The following CLNK variants were observed in gnomAD, a reference collection of about 807,000 sequenced individuals.
CLNK encodes cytokine dependent hematopoietic cell linker.
CLNK carries 74 observed loss-of-function variants against 68.6 expected under a neutral mutation model. That is an observed-to-expected ratio of 1.08 (90% CI 0.89 to 1.31). CLNK has a LOEUF of 1.31. Ranked by LOEUF, CLNK falls within the 50% of genes most tolerant of loss-of-function variation. The pLI is 0.00. For synonymous variants in CLNK, 198 were observed against 172.2 expected (o/e 1.15, Z -1.17); for missense variants, 553 against 515.3 (o/e 1.07, Z -0.71).
rs777270350 is a variant in CLNK at position 10,488,071 on chromosome 4, A to T, written c.*2396T>A. 2 of 152,198 alleles carry T rather than the reference A, an allele frequency of 1.3e-5. No homozygotes were observed. Among genetic ancestry groups the T allele is most frequent in the South Asian group, 2.1e-4 (1 of 4,832 alleles). The allele number at this position is 152,198 out of a possible 1,614,324, so 9.4% of individuals were successfully genotyped here. ...CAGAAGTGTTCAAATACACAAAAAT[A>T]TTGTAAGCTTTTTATTGCAAGATGT... On this transcript the variant is annotated 3_prime_UTR_variant, in exon 19 of 19. Transcript: ENST00000226951.
the CLNK span, among the ~76,000 whole-genome samples, chr4:10,718,867 G>A: frequency 6.6e-6 from 1 of 151,998 alleles, no homozygotes; most frequent in Non-Finnish European, 1.5e-5. Context: ...AAATATTCAT[G>A]ATAATTATAT....
At chr4:10,547,557 C>G (rs1443811949) in intron 8 of CLNK, among the ~76,000 whole-genome samples, 2 of 152,166 alleles carry the variant, frequency 1.3e-5, no homozygotes, top group Non-Finnish European at 2.9e-5. Flanking sequence ...GTGTCATCAG[C>G]TGTAGGCACT....
the CLNK span, among the ~76,000 whole-genome samples, chr4:10,727,623 A>G: frequency 6.6e-6 from 1 of 152,184 alleles, no homozygotes. Context: ...CTGGGTATAG[A>G]CCTAGAGAAA....
At chr4:10,571,888 C>T in intron 4 of CLNK, 110 bp from the exon 5 acceptor site, 5 of 797,156 alleles carry the variant, frequency 6.3e-6, no homozygotes, top group East Asian at 2.7e-5. Context: ...TTTTAATTAA[C>T]TTACCTTGAT....
chr4:10,713,196 G>C, the CLNK span, among the ~76,000 whole-genome samples: 1 of 152,194 alleles, frequency 6.6e-6, no homozygotes, highest in East Asian at 1.9e-4. Context: ...TGGTCACAGA[G>C]ATCTGGAATC....
At chr4:10,630,903 C>G (rs1248166761) in intron 2 of CLNK, among the ~76,000 whole-genome samples, 2 of 152,086 alleles carry the variant, frequency 1.3e-5, no homozygotes, top group African/African-American at 4.8e-5. Context: ...CCATTTATCT[C>G]CAGGCGTATT....
chr4:10,583,898 C>T (rs914188101), intron 4 of CLNK, among the ~76,000 whole-genome samples: 2 of 152,156 alleles, frequency 1.3e-5, no homozygotes, highest in African/African-American at 4.8e-5. Flanking sequence ...TCACCAAGCA[C>T]ATCAGACAAG....
At chr4:10,686,349 T>G (rs1355976912), upstream of CLNK, among the ~76,000 whole-genome samples, 1 of 152,036 alleles carries the variant, frequency 6.6e-6, no homozygotes, top group Non-Finnish European at 1.5e-5. Context: ...GTTAGGACTT[T>G]AACAAATGAA....
intron 2 of CLNK, among the ~76,000 whole-genome samples, chr4:10,639,027 G>T (rs1327788706): frequency 6.6e-5 from 10 of 152,222 alleles, no homozygotes; most frequent in Non-Finnish European, 1.5e-4. Flanking sequence ...TTCAGCATAT[G>T]CATGTTTATG....
the CLNK span, among the ~76,000 whole-genome samples, chr4:10,723,484 T>C: frequency 2.0e-5 from 3 of 152,198 alleles, no homozygotes; most frequent in Admixed American, 6.5e-5. Flanking sequence ...TGGATATGAA[T>C]AGGCTCTTGT....
chr4:10,618,665 C>T (rs558352319), intron 2 of CLNK, among the ~76,000 whole-genome samples: 1 of 152,134 alleles, frequency 6.6e-6, no homozygotes, highest in Non-Finnish European at 1.5e-5. Flanking sequence ...TCTGGGGAGG[C>T]CTCAGGAAAC....
At chr4:10,616,231 G>C (rs1298619299) in intron 2 of CLNK, among the ~76,000 whole-genome samples, 1 of 152,136 alleles carries the variant, frequency 6.6e-6, no homozygotes, top group Non-Finnish European at 1.5e-5. Flanking sequence ...AGTAATATTT[G>C]CAGCTGGACG....
At chr4:10,624,426 C>G (rs867824228) in intron 2 of CLNK, among the ~76,000 whole-genome samples, 8 of 151,968 alleles carry the variant, frequency 5.3e-5, no homozygotes, top group African/African-American at 1.9e-4. Flanking sequence ...CCGAGTAGCT[C>G]GGACTATAGG....
chr4:10,690,945 T>A, the CLNK span, among the ~76,000 whole-genome samples: 1 of 152,082 alleles, frequency 6.6e-6, no homozygotes, highest in African/African-American at 2.4e-5. Flanking sequence ...GAAAGTGCAG[T>A]GCAACAAAAG....
At chr4:10,557,076 A>AAAAT (rs145622246) in intron 8 of CLNK, among the ~76,000 whole-genome samples, 34,098 of 139,804 alleles carry the variant, frequency 0.24, 4,294 homozygotes, top group South Asian at 0.37. Context: ...ACTCTGTCTC[A>AAAAT]AAATAAATAA....
the CLNK span, among the ~76,000 whole-genome samples, chr4:10,699,494 C>CTCTCTATATATATA: frequency 1.2e-4 from 7 of 56,980 alleles, no homozygotes; most frequent in Non-Finnish European, 1.5e-4. Flanking sequence ...CTCTCTCTCT[C>CTCTCTATATATATA]TATATATATA....
chr4:10,606,347 A>G (rs924183777), intron 2 of CLNK, among the ~76,000 whole-genome samples: 1 of 152,144 alleles, frequency 6.6e-6, no homozygotes, highest in African/African-American at 2.4e-5. Context: ...AATGACACGC[A>G]TGGAGTTGTC....
the CLNK span, among the ~76,000 whole-genome samples, chr4:10,698,412 A>C: frequency 3.9e-5 from 6 of 152,198 alleles, no homozygotes; most frequent in Non-Finnish European, 7.3e-5. Flanking sequence ...GTAAATGTTA[A>C]TTGCTAAGTG....
At position 10,669,944 on chromosome 4, in the gene CLNK, A is replaced by G. The variant is rs972261403; in HGVS notation, c.-42-2033T>C. ...ACTTGAACTTTCATCAGTGTAATAC[A>G]AAGAATGCACATCAAATACTGGAAG... is the stretch of plus-strand genomic sequence containing the variant. On this transcript the variant is annotated intron_variant, in intron 1 of 18. Coordinates refer to ENST00000226951, the MANE Select transcript of CLNK (RefSeq NM_052964.4). 3.9e-5 allele frequency among the ~76,000 whole-genome samples: 6 copies of G among 152,308 alleles called. No homozygotes were observed. The East Asian group carries it at 1.2e-3, about 29-fold the overall frequency.
Sources: allele counts gnomAD v4.1 joint callset (sites outside exome capture counted in the v4.1 genomes callset), GRCh38; gene constraint gnomAD v4.1.1; transcripts MANE v1.5; gene names NCBI Gene and HGNC (gene_info 2026-07-23, HGNC 2026-07-21).